TRIM69: variants seen among roughly 807,000 people sequenced by gnomAD.
The protein encoded by TRIM69 is tripartite motif containing 69.
TRIM69 carries 29 observed loss-of-function variants against 37.7 expected under a neutral mutation model. The observed-to-expected ratio is 0.77, with a 90% CI of 0.57 to 1.05. TRIM69 has a LOEUF of 1.05. TRIM69 is among the 50% of genes least tolerant of loss of function. The probability of loss-of-function intolerance (pLI) is 0.00; values close to 1 mark genes in which losing one functional copy is unlikely to be tolerated. For missense variants in TRIM69, 596 were observed against 579.9 expected, an observed-to-expected ratio of 1.03 and a Z score of -0.28; for synonymous variants, 209 against 212.4, an observed-to-expected ratio of 0.98 and a Z score of 0.14.
At position 44,755,186 on chromosome 15, in the gene TRIM69, A is replaced by C. The variant is rs551877622; in HGVS notation, c.293A>C (p.Lys98Thr). 3.1e-6 allele frequency: 5 copies of C among 1,614,216 alleles called. No individual in the cohort carries two copies. The Admixed American group carries it at 8.3e-5, about 27-fold the overall frequency. ...NNCTFNPVLD[K>T]LVEKIKKLPL... is the part of the protein sequence containing the mutation. ...TGTACATTCAACCCTGTACTGGACA[A>C]GTTGGTAGAGAAGATTAAGAAGTTA... The change falls in exon 2 of 7, where the codon AAG (lysine) becomes ACG (threonine). Residue 98 changes from lysine (K) to threonine (T), a missense_variant. Coordinates refer to ENST00000329464, the MANE Select transcript of TRIM69 (RefSeq NM_182985.5).
intron 1 of TRIM69, among the ~76,000 whole-genome samples, chr15:44,752,648 T>A (rs1270545829): frequency 6.6e-6 from 1 of 152,216 alleles, no homozygotes; most frequent in Non-Finnish European, 1.5e-5. Context: ...GACTTACCTA[T>A]GCCATTTTGT....
In TRIM69 at chr15:44,739,799, C is replaced by A. The variant is rs559417325; in HGVS notation, c.6+3089C>A. ...CCTCTGTAGGCTCCACCTCTGGGGG[C>A]AGGGCACAGACAAACAAAAAGACAT... On this transcript the variant is annotated intron_variant, in intron 1 of 6. Coordinates refer to ENST00000329464, the MANE Select transcript of TRIM69 (RefSeq NM_182985.5). Among the ~76,000 whole-genome samples the A allele has an allele frequency of 6.6e-5, 10 of 151,894 alleles. No individual in the cohort carries two copies. The South Asian group carries it at 2.1e-3, about 32-fold the overall frequency.
At chr15:44,746,598 T>C (rs1183226784) in intron 1 of TRIM69, among the ~76,000 whole-genome samples, 7 of 152,220 alleles carry the variant, frequency 4.6e-5, no homozygotes, top group Non-Finnish European at 8.8e-5. Context: ...ATATTGGCTT[T>C]GCATTCCCAT....
intron 1 of TRIM69, among the ~76,000 whole-genome samples, chr15:44,740,601 A>G (rs1204940013): frequency 6.6e-6 from 1 of 152,186 alleles, no homozygotes; most frequent in African/African-American, 2.4e-5. Context: ...CATAGGCTCA[A>G]AATGAAAGGA....
intron 1 of TRIM69, among the ~76,000 whole-genome samples, chr15:44,748,825 C>CAAAA (rs375092348): frequency 8.8e-6 from 1 of 114,264 alleles, no homozygotes; most frequent in African/African-American, 3.5e-5. Context: ...GACTTTGTCT[C>CAAAA]AAAAAAAAAA....
intron 1 of TRIM69, among the ~76,000 whole-genome samples, chr15:44,750,555 C>T (rs1027445828): frequency 3.3e-5 from 5 of 151,798 alleles, no homozygotes; most frequent in Non-Finnish European, 5.9e-5. Flanking sequence ...TCTTATAATC[C>T]TTTTTTATTT....
Position 44,766,157 on chromosome 15 carries a change from T to TAA in TRIM69, c.962-1068_962-1067dup, listed in dbSNP as rs368087214. Among the ~76,000 whole-genome samples, 803 of 152,274 alleles carry TAA rather than the reference T, an allele frequency of 5.3e-3. 12 individuals are homozygous for TAA. Among genetic ancestry groups the TAA allele is most frequent in the African/African-American group, 0.019 (779 of 41,556 alleles). Reference sequence around the variant, plus strand: ...TATAAATTACTTGAAAAAGTAAAATTAAAAAAAGCAAAGATTACAAAGTAC... The same window carrying TAA: ...TATAAATTACTTGAAAAAGTAAAATTAAAAAAAAAGCAAAGATTACAAAGTAC... On this transcript the variant is annotated intron_variant, in intron 6 of 6. Coordinates refer to ENST00000329464, the MANE Select transcript of TRIM69 (RefSeq NM_182985.5).
Position 44,755,058 on chromosome 15 carries a change from C to T in TRIM69, c.165C>T (p.Ser55=). 6.2e-7 allele frequency: 1 copy of T among 1,614,240 alleles called. No individual in the cohort carries two copies. The highest frequency in any genetic ancestry group is 8.5e-7 in the Non-Finnish European group (1 of 1,180,044). ...GGTTCCGAGACCCACTGATGCTAAG[C>T]TGTGGCCACAACTTCTGTGAAGCCT... is the stretch of plus-strand genomic sequence containing the variant. ...NDWFRDPLML[S]CGHNFCEACI... Residue 55 remains serine (S), a synonymous_variant, in exon 2 of 7, where the codon AGC becomes AGT. Transcript: ENST00000329464.
chr15:44,756,660 G>T, intron 3 of TRIM69, 197 bp downstream of exon 3: 1 of 473,670 alleles, frequency 2.1e-6, no homozygotes, highest in Non-Finnish European at 3.8e-6. Flanking sequence ...GATCAACAGA[G>T]CAGATTAACC....
At chr15:44,745,889 G>A (rs1302776742) in intron 1 of TRIM69, among the ~76,000 whole-genome samples, 4 of 152,154 alleles carry the variant, frequency 2.6e-5, no homozygotes, top group Non-Finnish European at 5.9e-5. Context: ...AAAATGAGCA[G>A]AGCCTCAGAA....
intron 5 of TRIM69, 25 bp downstream of exon 5, chr15:44,759,687 T>G: frequency 6.2e-7 from 1 of 1,614,164 alleles, no homozygotes; most frequent in Non-Finnish European, 8.5e-7. Context: ...ATGGTACTAT[T>G]AATATCATTC....
Position 44,756,267 on chromosome 15 carries a change from G to C in TRIM69, c.484-101G>C. 4.1e-6 allele frequency: 3 copies of C among 729,820 alleles called. No individual in the cohort carries two copies. The East Asian group carries it at 8.2e-5, about 20-fold the overall frequency. 45.2% of individuals were successfully genotyped at this position (729,820 alleles called of 1,614,324 possible). A position where few individuals can be genotyped will look rare whatever the true frequency, so the allele number is the denominator to read the frequency against. On this transcript the variant is annotated intron_variant, in intron 2 of 6. Coordinates refer to ENST00000329464, the MANE Select transcript of TRIM69 (RefSeq NM_182985.5). ...GGGAAGGGGAAGATTTTTGCAGCAA[G>C]AGCTTGCTTTTTTCTTGCACACTGG... is the stretch of plus-strand genomic sequence containing the variant.
In TRIM69 at chr15:44,752,503, T is replaced by C. The variant is rs1171521114; in HGVS notation, c.7-2397T>C. 2.0e-5 allele frequency among the ~76,000 whole-genome samples: 3 copies of C among 152,176 alleles called. No individual in the cohort carries two copies. In the East Asian group the frequency reaches 5.8e-4, roughly 29 times the overall value. The stretch of plus-strand genomic sequence containing the variant: ...TCTTTCCAACTTTTTACTTTCAACT[T>C]GTTTGTGTATTTGGTTCTAAGGTGA... On this transcript the variant is annotated intron_variant, in intron 1 of 6. Coordinates refer to ENST00000329464, the MANE Select transcript of TRIM69 (RefSeq NM_182985.5).
chr15:44,750,715 C>CTTTTTTTTTTTTT lies in TRIM69; in HGVS notation c.7-4170_7-4158dup, dbSNP rs869059418. 6.8e-5 allele frequency among the ~76,000 whole-genome samples: 7 copies of CTTTTTTTTTTTTT among 102,838 alleles called. 2 individuals carry two copies. Among genetic ancestry groups the CTTTTTTTTTTTTT allele is most frequent in the African/African-American group, 2.7e-4 (7 of 25,874 alleles). 67.5% of individuals were successfully genotyped at this position (102,838 alleles called of 152,430 possible). On this transcript the variant is annotated intron_variant, in intron 1 of 6. Transcript: ENST00000329464. ...TCGCATTTTTATTTCATTACTTTTT[C>CTTTTTTTTTTTTT]TTTTTTTTTTTTTTTTTTTTTTTTT...
chr15:44,750,582 A>G (rs112110775), intron 1 of TRIM69, among the ~76,000 whole-genome samples: 1,822 of 151,850 alleles, frequency 0.012, 42 homozygotes, highest in African/African-American at 0.042. Flanking sequence ...GATCTGTACT[A>G]ATTTACCCAC....
chr15:44,755,441 C>T (rs1413005622), intron 2 of TRIM69, 65 bp downstream of exon 2: 6 of 1,179,380 alleles, frequency 5.1e-6, no homozygotes, highest in Non-Finnish European at 7.4e-6. Context: ...CATAGGGCTT[C>T]TTCTTTCTTC....
At position 44,758,635 on chromosome 15, in the gene TRIM69, T is replaced by A. The variant is rs750383432; in HGVS notation, c.594T>A (p.His198Gln). 2 of 1,614,098 alleles carry A rather than the reference T, an allele frequency of 1.2e-6. No individual in the cohort carries two copies. The highest frequency in any genetic ancestry group is 3.3e-5 in the Admixed American group (2 of 60,016). The change falls in exon 4 of 7, where the codon CAT becomes CAA. Residue 198 changes from histidine to glutamine, a missense_variant. His to Gln is a conservative substitution (Grantham distance 24). Coordinates refer to ENST00000329464, the MANE Select transcript of TRIM69 (RefSeq NM_182985.5). ...GAGGTTTCCAGGAAAACAAGCTACA[T>A]CTGCAGCAACATGTGTCCATGGAGT... is the stretch of plus-strand genomic sequence containing the variant. ...AIAAHKENKL[H>Q]LQQHVSMEFL...
Position 44,756,421 on chromosome 15 carries a change from G to C in TRIM69, c.537G>C (p.Gln179His), listed in dbSNP as rs1455463453. The C allele has an allele frequency of 1.7e-5, 26 of 1,551,150 alleles. No individual in the cohort carries two copies. The highest frequency in any genetic ancestry group is 2.7e-5 in the African/African-American group (2 of 73,004). ...TGGAGACAACTCTGAAGGAGCTTCA[G>C]ACCCTGAGGAACATGCAGAAGGAAG... is the stretch of plus-strand genomic sequence containing the variant. The part of the protein sequence containing the change: ...GQLETTLKEL[Q>H]TLRNMQKEAI... The change falls in exon 3 of 7, where the codon CAG becomes CAC. Residue 179 changes from glutamine (Q) to histidine (H), a missense_variant. By Grantham distance (24) the Gln-to-His change is conservative (BLOSUM62 0). Coordinates refer to ENST00000329464, the MANE Select transcript of TRIM69 (RefSeq NM_182985.5).
At position 44,767,715 on chromosome 15, in the gene TRIM69, C is replaced by A; in HGVS notation, c.1446C>A (p.Pro482=). The part of the protein sequence containing the change: ...FMEKLYPYFC[P]CLNDGGENKE... ...AGAAACTTTATCCCTACTTCTGCCC[C>A]TGCCTTAATGATGGTGGAGAGAATA... Residue 482 remains proline, a synonymous_variant, in exon 7 of 7, where the codon CCC becomes CCA. Transcript: ENST00000329464. The A allele has an allele frequency of 1.2e-6, 2 of 1,614,018 alleles. No individual in the cohort carries two copies. The highest frequency in any genetic ancestry group is 1.7e-6 in the Non-Finnish European group (2 of 1,180,028).
Sources: gnomAD v4.1 joint callset for allele counts (sites outside exome capture counted in the v4.1 genomes callset) on GRCh38, gnomAD v4.1.1 for gene constraint, MANE v1.5 for transcripts, NCBI Gene and HGNC (gene_info 2026-07-23, HGNC 2026-07-21) for gene names.